Variants in DOCK1 observed in about 807,000 individuals in gnomAD.
DOCK1 encodes dedicator of cytokinesis protein 1.
A neutral mutation model predicts 262.7 loss-of-function variants in DOCK1; 138 were observed. The observed-to-expected ratio is 0.53, with a 90% CI of 0.46 to 0.61. The LOEUF is 0.61. Ranked by LOEUF, DOCK1 falls within the 20% of genes least tolerant of loss-of-function variation. The probability of loss-of-function intolerance (pLI) is 0.00; values close to 1 mark genes in which losing one functional copy is unlikely to be tolerated. For synonymous variants in DOCK1, 866 were observed against 867.4 expected (o/e 1.00, Z 0.03); for missense variants, 1,908 against 2,370.7 (o/e 0.80, Z 4.05).
intron 27 of DOCK1, among the ~76,000 whole-genome samples, chr10:127,194,879 T>G (rs1182653916): frequency 6.8e-6 from 1 of 147,318 alleles, no homozygotes; most frequent in African/African-American, 2.5e-5. Context: ...TTTCAGCGCC[T>G]AAGCAGACAA....
In DOCK1 at chr10:127,373,867, G is replaced by C; in HGVS notation, c.3518+1G>C. The C allele has an allele frequency of 2.5e-6, 4 of 1,602,730 alleles. No individual in the cohort carries two copies. Among genetic ancestry groups the C allele is most frequent in the Non-Finnish European group, 3.4e-6 (4 of 1,174,008 alleles). On this transcript the variant is annotated splice_donor_variant, in intron 34 of 51. Transcript: ENST00000623213. LOFTEE classifies it high-confidence loss of function. Reference sequence around the variant, plus strand: ...AGTACAAAGTGTTATTTGATAAAATGTAAGTGTTGATTAGCAGTGGGATTT... The same window carrying C: ...AGTACAAAGTGTTATTTGATAAAATCTAAGTGTTGATTAGCAGTGGGATTT...
chr10:127,281,049 C>T (rs1477961183), intron 29 of DOCK1, among the ~76,000 whole-genome samples: 2 of 152,208 alleles, frequency 1.3e-5, no homozygotes, highest in East Asian at 1.9e-4. Context: ...TTTTAAATAA[C>T]AGCCTTGGCT....
chr10:127,115,014 C>A (rs1225371201), intron 25 of DOCK1, among the ~76,000 whole-genome samples: 3 of 152,176 alleles, frequency 2.0e-5, no homozygotes, highest in Non-Finnish European at 2.9e-5. Flanking sequence ...CTCAGCCTCC[C>A]ATAGTGCTGG....
intron 30 of DOCK1, among the ~76,000 whole-genome samples, chr10:127,340,946 A>AT: frequency 6.6e-6 from 1 of 152,022 alleles, no homozygotes; most frequent in Middle Eastern, 3.4e-3. Context: ...GAAATATTTC[A>AT]TTTTTCTGTA....
At chr10:127,360,592 G>A (rs1038813832) in intron 32 of DOCK1, among the ~76,000 whole-genome samples, 1 of 152,226 alleles carries the variant, frequency 6.6e-6, no homozygotes, top group African/African-American at 2.4e-5. Context: ...GCATTGTGAT[G>A]TCTCAACAGT....
intron 30 of DOCK1, among the ~76,000 whole-genome samples, chr10:127,339,695 T>TTGTG (rs112206811): frequency 7.7e-4 from 84 of 109,732 alleles, no homozygotes; most frequent in Middle Eastern, 4.5e-3. Flanking sequence ...CTGGCCTGAT[T>TTGTG]TGTGTGTGTG....
chr10:127,353,980 T>G (rs1296154446), intron 31 of DOCK1, among the ~76,000 whole-genome samples: 1 of 120,164 alleles, frequency 8.3e-6, no homozygotes, highest in Non-Finnish European at 1.7e-5. Flanking sequence ...ATGATAATTT[T>G]GCAAATTATT....
intron 23 of DOCK1, among the ~76,000 whole-genome samples, chr10:127,082,228 T>C (rs949774934): frequency 6.6e-6 from 1 of 152,186 alleles, no homozygotes; most frequent in African/African-American, 2.4e-5. Flanking sequence ...CTCCTTCTTA[T>C]GTAAGTAGAA....
intron 1 of DOCK1, among the ~76,000 whole-genome samples, chr10:126,954,688 T>C (rs1256510329): frequency 2.6e-5 from 4 of 152,254 alleles, no homozygotes; most frequent in Non-Finnish European, 5.9e-5. Flanking sequence ...CACACGCTTC[T>C]GTCCTTTTGT....
In DOCK1 at chr10:126,990,608, G is replaced by C; in HGVS notation, c.473+5G>C. ...CAAAATTGATTATGGAAACAGGTTT[G>C]TTTATTTGAAAGATGATTTTACGCT... On this transcript the variant is annotated splice_donor_5th_base_variant and intron_variant, in intron 6 of 51. Transcript: ENST00000623213. 6.2e-7 allele frequency: 1 copy of C among 1,612,722 alleles called. No homozygotes were observed. Among genetic ancestry groups the C allele is most frequent in the South Asian group, 1.1e-5 (1 of 90,758 alleles).
At position 127,447,431 on chromosome 10, in the gene DOCK1, C is replaced by T. The variant is rs369350298; in HGVS notation, c.5451C>T (p.Ala1817=). Reference sequence around the variant, plus strand: ...ACGGCATGACGGGGGCGGACGTGGCCGATGTCCCACCCCCTCTGCCTCTCA... The same window carrying T: ...ACGGCATGACGGGGGCGGACGTGGCTGATGTCCCACCCCCTCTGCCTCTCA... ...ELNGMTGADV[A]DVPPPLPLKG... Residue 1817 remains alanine, a synonymous_variant, in exon 51 of 52, where the codon GCC becomes GCT. Coordinates refer to ENST00000623213, the MANE Select transcript of DOCK1 (RefSeq NM_001290223.2). 25 of 1,613,202 alleles carry T rather than the reference C, an allele frequency of 1.5e-5. No homozygotes were observed. In the East Asian group the frequency reaches 4.0e-4, roughly 26 times the overall value.
chr10:127,016,923 CCA>C (rs57658043), intron 12 of DOCK1, among the ~76,000 whole-genome samples: 40,246 of 139,248 alleles, frequency 0.29, 5,515 homozygotes, highest in Middle Eastern at 0.35. Flanking sequence ...ACACCACACA[CCA>C]CACACACACA....
intron 29 of DOCK1, among the ~76,000 whole-genome samples, chr10:127,276,945 G>A (rs144673502): frequency 3.0e-4 from 44 of 148,028 alleles, no homozygotes; most frequent in Admixed American, 8.7e-4. Flanking sequence ...AGTGTGCACA[G>A]AGCTGGAAAA....
intron 29 of DOCK1, among the ~76,000 whole-genome samples, chr10:127,332,526 T>C: frequency 6.6e-6 from 1 of 152,108 alleles, no homozygotes; most frequent in Admixed American, 6.5e-5. Flanking sequence ...CAAGCAAATA[T>C]GCAGACTCCA....
chr10:127,272,551 T>A (rs1048160387), intron 29 of DOCK1, among the ~76,000 whole-genome samples: 3 of 152,248 alleles, frequency 2.0e-5, no homozygotes, highest in African/African-American at 7.2e-5. Context: ...TTTCTCAACA[T>A]GCAATCTATT....
In DOCK1 at chr10:126,998,435, G is replaced by A. The variant is rs2135123712; in HGVS notation, c.767+186G>A. 4.5e-6 allele frequency: 3 copies of A among 663,892 alleles called. No homozygotes were observed. In the East Asian group the frequency reaches 8.0e-5, roughly 18 times the overall value. The allele number at this position is 663,892 out of a possible 1,614,324, so 41.1% of individuals were successfully genotyped here. A position where few individuals can be genotyped will look rare whatever the true frequency, so the allele number is the denominator to read the frequency against. On this transcript the variant is annotated intron_variant, in intron 8 of 51. Coordinates refer to ENST00000623213, the MANE Select transcript of DOCK1 (RefSeq NM_001290223.2). ...GGCAGCCAGGTTGGGCTCTGGGTCA[G>A]GGTGAACCTTCTTGCGTGTAGATTG...
chr10:127,194,824 T>G (rs978733862), intron 27 of DOCK1, among the ~76,000 whole-genome samples: 1 of 152,156 alleles, frequency 6.6e-6, no homozygotes, highest in Non-Finnish European at 1.5e-5. Flanking sequence ...TCCCCCAAAG[T>G]TCATTCCCAC....
At chr10:127,143,013 A>C (rs973332643) in intron 27 of DOCK1, among the ~76,000 whole-genome samples, 1 of 152,146 alleles carries the variant, frequency 6.6e-6, no homozygotes, top group Non-Finnish European at 1.5e-5. Context: ...GCTTTGTAGT[A>C]ACACTTCTCC....
At chr10:127,086,760 T>C (rs938742448) in intron 23 of DOCK1, among the ~76,000 whole-genome samples, 14 of 152,154 alleles carry the variant, frequency 9.2e-5, no homozygotes, top group Non-Finnish European at 7.3e-5. Context: ...ATGGAGACAC[T>C]CACGTCAAAG....
Sources: gnomAD v4.1 joint callset for allele counts (sites outside exome capture counted in the v4.1 genomes callset) on GRCh38, gnomAD v4.1.1 for gene constraint, MANE v1.5 for transcripts, NCBI Gene and HGNC (gene_info 2026-07-23, HGNC 2026-07-21) for gene names.